TENM3: variants seen among roughly 807,000 people sequenced by gnomAD.
TENM3 encodes the protein teneurin-3.
A neutral mutation model predicts 255.1 loss-of-function variants in TENM3; 63 were observed. The observed-to-expected ratio is 0.25, with a 90% CI of 0.20 to 0.30. The LOEUF is 0.30. TENM3 is among the 10% of genes least tolerant of loss of function. TENM3 has a pLI of 1.00. For synonymous variants in TENM3, 1,306 were observed against 1,322.3 expected (o/e 0.99, Z 0.27); for missense variants, 2,929 against 3,461.1 (o/e 0.85, Z 3.86).
the TENM3 span, among the ~76,000 whole-genome samples, chr4:181,931,478 A>G: frequency 5.9e-5 from 9 of 152,220 alleles, no homozygotes; most frequent in African/African-American, 2.2e-4. Context: ...GCACCTCTTC[A>G]AGGGGAACTA....
At chr4:181,888,510 A>G in the TENM3 span, among the ~76,000 whole-genome samples, 1 of 63,452 alleles carries the variant, frequency 1.6e-5, no homozygotes, top group Non-Finnish European at 2.9e-5. Flanking sequence ...ATATATATAT[A>G]TATATGTATA....
In TENM3 at chr4:182,784,723, C is replaced by T. The variant is rs539983199; in HGVS notation, c.5305-4370C>T. Among the ~76,000 whole-genome samples, 3 of 151,784 alleles carry T rather than the reference C, an allele frequency of 2.0e-5. No homozygotes were observed. The South Asian group carries it at 6.3e-4, about 32-fold the overall frequency. ...TCAGCGAGACTCCGTGGGCGTAGGA[C>T]CCTCCCAGCCAGGTGCGGGATATAA... On this transcript the variant is annotated intron_variant, in intron 24 of 27. Transcript: ENST00000511685.
At chr4:182,611,184 AT>A in intron 4 of TENM3, among the ~76,000 whole-genome samples, 1 of 152,126 alleles carries the variant, frequency 6.6e-6, no homozygotes, top group African/African-American at 2.4e-5. Flanking sequence ...TCTCCAAAAA[AT>A]TTTTTATTAC....
intron 7 of TENM3, among the ~76,000 whole-genome samples, chr4:182,679,455 C>G (rs1277775230): frequency 6.6e-6 from 1 of 152,116 alleles, no homozygotes; most frequent in Non-Finnish European, 1.5e-5. Context: ...AAAATGGTCC[C>G]TGATGTTTGA....
At chr4:182,676,633 G>C (rs7666234) in intron 7 of TENM3, among the ~76,000 whole-genome samples, 50,996 of 151,788 alleles carry the variant, frequency 0.34, 8,814 homozygotes, top group African/African-American at 0.39. Context: ...CTTCAGAAGT[G>C]AACTACCAAG....
chr4:182,215,152 G>A (rs1288749404), intron 1 of TENM3, among the ~76,000 whole-genome samples: 2 of 152,162 alleles, frequency 1.3e-5, no homozygotes, highest in African/African-American at 4.8e-5. Flanking sequence ...CTGTCACTGG[G>A]GCAGCAGGGT....
chr4:181,716,437 C>T, the TENM3 span, among the ~76,000 whole-genome samples: 32,617 of 152,064 alleles, frequency 0.21, 4,189 homozygotes, highest in African/African-American at 0.36. Flanking sequence ...GTAGTACCTA[C>T]CTCAATTCCG....
the TENM3 span, among the ~76,000 whole-genome samples, chr4:181,676,687 C>T: frequency 6.6e-6 from 1 of 152,086 alleles, no homozygotes; most frequent in Non-Finnish European, 1.5e-5. Context: ...TAAAAGATCA[C>T]AAATATTTCA....
intron 3 of TENM3, among the ~76,000 whole-genome samples, chr4:182,386,813 C>T (rs998935950): frequency 9.9e-5 from 15 of 152,244 alleles, no homozygotes; most frequent in African/African-American, 1.9e-4. Context: ...GACTGAAGCC[C>T]GCCATGCCTG....
At chr4:182,032,027 A>G in the TENM3 span, among the ~76,000 whole-genome samples, 1 of 152,158 alleles carries the variant, frequency 6.6e-6, no homozygotes, top group Non-Finnish European at 1.5e-5. Context: ...CCCTCTTCCT[A>G]TCTGAACACC....
intron 3 of TENM3, among the ~76,000 whole-genome samples, chr4:182,348,777 C>T (rs763776180): frequency 1.3e-5 from 2 of 152,056 alleles, no homozygotes; most frequent in Non-Finnish European, 2.9e-5. Context: ...GATCCCCAAA[C>T]ATATGTATTT....
chr4:181,978,411 G>T, the TENM3 span, among the ~76,000 whole-genome samples: 1 of 152,134 alleles, frequency 6.6e-6, no homozygotes, highest in Non-Finnish European at 1.5e-5. Context: ...CACTTTGGGA[G>T]GCCAAGGCAG....
the TENM3 span, among the ~76,000 whole-genome samples, chr4:181,530,236 G>A: frequency 6.6e-6 from 1 of 152,148 alleles, no homozygotes; most frequent in Non-Finnish European, 1.5e-5. Context: ...CCTACATACA[G>A]GGTAATAAAT....
chr4:181,759,091 G>A, the TENM3 span, among the ~76,000 whole-genome samples: 40 of 152,172 alleles, frequency 2.6e-4, no homozygotes, highest in African/African-American at 7.9e-4. Flanking sequence ...TATAACAGTT[G>A]CCTCACATAA....
chr4:182,036,566 A>G, the TENM3 span, among the ~76,000 whole-genome samples: 5 of 152,286 alleles, frequency 3.3e-5, no homozygotes, highest in Admixed American at 1.3e-4. Context: ...CCAAAATGAC[A>G]CATAATATGC....
chr4:181,739,431 A>G, the TENM3 span, among the ~76,000 whole-genome samples: 1 of 152,206 alleles, frequency 6.6e-6, no homozygotes, highest in South Asian at 2.1e-4. Flanking sequence ...ACTTGCTTTC[A>G]TATATGACAT....
the TENM3 span, among the ~76,000 whole-genome samples, chr4:181,521,245 G>T: frequency 6.6e-6 from 1 of 152,242 alleles, no homozygotes; most frequent in East Asian, 1.9e-4. Flanking sequence ...CAGGTGGATT[G>T]CATCCTGGAG....
chr4:181,671,908 C>T, the TENM3 span, among the ~76,000 whole-genome samples: 1 of 152,108 alleles, frequency 6.6e-6, no homozygotes, highest in Non-Finnish European at 1.5e-5. Context: ...GTCTCTGGCT[C>T]ATGGGATAGA....
chr4:182,674,252 C>A (rs1755477361), intron 7 of TENM3, among the ~76,000 whole-genome samples: 1 of 151,920 alleles, frequency 6.6e-6, no homozygotes, highest in Non-Finnish European at 1.5e-5. Context: ...AATATTTTTT[C>A]TATAACCTAG....
Sources: gnomAD v4.1 joint callset for allele counts (sites outside exome capture counted in the v4.1 genomes callset) on GRCh38, gnomAD v4.1.1 for gene constraint, MANE v1.5 for transcripts, NCBI Gene and HGNC (gene_info 2026-07-23, HGNC 2026-07-21) for gene names.